PTPRT: variants seen among roughly 807,000 people sequenced by gnomAD.
PTPRT encodes the protein protein tyrosine phosphatase receptor type T, also known as receptor-type tyrosine-protein phosphatase T.
Under a neutral mutation model 176.8 loss-of-function variants are expected in PTPRT, and 56 were observed. The observed-to-expected ratio is 0.32, with a 90% CI of 0.26 to 0.40. PTPRT has a LOEUF of 0.40. PTPRT is among the 10% of genes least tolerant of loss of function. The probability of loss-of-function intolerance (pLI) is 1.00; values close to 1 mark genes in which losing one functional copy is unlikely to be tolerated. For missense variants in PTPRT, 1,540 were observed against 1,908.2 expected (o/e 0.81, Z 3.60); for synonymous variants, 783 against 739.0 (o/e 1.06, Z -0.96).
intron 9 of PTPRT, among the ~76,000 whole-genome samples, chr20:42,401,431 C>G (rs572656539): frequency 1.3e-5 from 2 of 152,156 alleles, no homozygotes; most frequent in East Asian, 3.9e-4. Context: ...ATTCCATAGC[C>G]TTCAAACTGC....
intron 7 of PTPRT, among the ~76,000 whole-genome samples, chr20:42,601,042 ACT>A (rs1277016638): frequency 1.3e-5 from 2 of 151,968 alleles, no homozygotes; most frequent in African/African-American, 4.8e-5. Flanking sequence ...CTCTCACACT[ACT>A]CTGAGTTCGT....
At chr20:42,922,442 G>A (rs1193379812) in intron 1 of PTPRT, among the ~76,000 whole-genome samples, 2 of 152,160 alleles carry the variant, frequency 1.3e-5, no homozygotes. Flanking sequence ...CCTGGACTCA[G>A]GCCTGTATAT....
At chr20:42,987,543 G>T (rs2146099975) in intron 1 of PTPRT, among the ~76,000 whole-genome samples, 1 of 152,118 alleles carries the variant, frequency 6.6e-6, no homozygotes, top group Non-Finnish European at 1.5e-5. Context: ...GTGGACACTT[G>T]GTCATGCTGT....
chr20:42,614,591 T>C (rs577559409), intron 7 of PTPRT, among the ~76,000 whole-genome samples: 1 of 152,208 alleles, frequency 6.6e-6, no homozygotes, highest in East Asian at 1.9e-4. Context: ...ACCATGCTCC[T>C]CTATTCCCTC....
chr20:43,166,021 C>G, intron 1 of PTPRT, among the ~76,000 whole-genome samples: 1 of 152,092 alleles, frequency 6.6e-6, no homozygotes, highest in Non-Finnish European at 1.5e-5. Context: ...GAAACGTCAT[C>G]TCTACTAAAA....
chr20:42,717,867 CTGTGTG>C (rs72024227), intron 6 of PTPRT, among the ~76,000 whole-genome samples: 2 of 150,136 alleles, frequency 1.3e-5, no homozygotes, highest in African/African-American at 4.9e-5. Context: ...TCAAGATCAC[CTGTGTG>C]TGTGTGTGTG....
chr20:42,642,049 A>G (rs1199457668), intron 7 of PTPRT, among the ~76,000 whole-genome samples: 1 of 152,166 alleles, frequency 6.6e-6, no homozygotes, highest in Admixed American at 6.5e-5. Context: ...CTCAGCAACC[A>G]GACTGTTTAC....
At chr20:42,917,393 C>T (rs994411696) in intron 1 of PTPRT, among the ~76,000 whole-genome samples, 6 of 152,214 alleles carry the variant, frequency 3.9e-5, no homozygotes, top group East Asian at 1.9e-4. Context: ...AGTCAGGTAG[C>T]GCGATGCCTC....
intron 12 of PTPRT, among the ~76,000 whole-genome samples, chr20:42,315,015 C>T (rs1161835343): frequency 6.6e-6 from 1 of 151,958 alleles, no homozygotes; most frequent in African/African-American, 2.4e-5. Flanking sequence ...ATATGCTTTC[C>T]AGCCCTGTGA....
Position 42,462,419 on chromosome 20 carries a change from G to A in PTPRT, c.1450+9847C>T, listed in dbSNP as rs2071036274. ...TAGCACAGGCAGGAAATCAGATGGA[G>A]CTAGGGTTGTGAATAGCTGGAAATG... On this transcript the variant is annotated intron_variant, in intron 8 of 30. Coordinates refer to ENST00000373187, the MANE Select transcript of PTPRT (RefSeq NM_007050.6). 3.9e-5 allele frequency among the ~76,000 whole-genome samples: 6 copies of A among 152,298 alleles called. No homozygotes were observed. The South Asian group carries it at 1.0e-3, about 26-fold the overall frequency.
intron 9 of PTPRT, among the ~76,000 whole-genome samples, chr20:42,434,747 AG>A (rs1215970264): frequency 2.0e-5 from 3 of 151,558 alleles, no homozygotes; most frequent in African/African-American, 7.3e-5. Context: ...GGATCACTTG[AG>A]GTCAGGAGTC....
intron 1 of PTPRT, among the ~76,000 whole-genome samples, chr20:43,115,044 C>T (rs1400975254): frequency 1.3e-5 from 2 of 152,178 alleles, no homozygotes; most frequent in East Asian, 3.8e-4. Context: ...TGCGCCATTT[C>T]ATTGCATATA....
intron 7 of PTPRT, among the ~76,000 whole-genome samples, chr20:42,534,924 C>A (rs1046443632): frequency 1.3e-5 from 2 of 152,106 alleles, no homozygotes; most frequent in Non-Finnish European, 2.9e-5. Flanking sequence ...TCAGAATGCA[C>A]CCAGTGCTGC....
chr20:42,078,378 G>T lies in PTPRT; in HGVS notation c.*2501C>A, dbSNP rs182057654. On this transcript the variant is annotated 3_prime_UTR_variant, in exon 31 of 31. Coordinates refer to ENST00000373187, the MANE Select transcript of PTPRT (RefSeq NM_007050.6). The stretch of plus-strand genomic sequence containing the variant: ...AGATCTGGGTTGGTGACCCTGCTCC[G>T]TGGTAAAGCAGAGACCCTGGGTTTC... The T allele has an allele frequency of 4.7e-6, 1 of 212,060 alleles. No homozygotes were observed. The highest frequency in any genetic ancestry group is 2.3e-5 in the African/African-American group (1 of 44,052). 13.1% of individuals were successfully genotyped at this position (212,060 alleles called of 1,614,324 possible).
chr20:42,441,309 A>G (rs2059313977), intron 9 of PTPRT, among the ~76,000 whole-genome samples: 2 of 152,180 alleles, frequency 1.3e-5, no homozygotes. Context: ...AAGAGGAAGG[A>G]GCCAGCCCTG....
At chr20:42,199,603 T>C (rs1991369972) in intron 15 of PTPRT, among the ~76,000 whole-genome samples, 1 of 152,168 alleles carries the variant, frequency 6.6e-6, no homozygotes, top group African/African-American at 2.4e-5. Flanking sequence ...AATGCATGTG[T>C]TCTATGTTTG....
chr20:42,706,994 G>A (rs777417407), intron 6 of PTPRT, among the ~76,000 whole-genome samples: 1 of 152,160 alleles, frequency 6.6e-6, no homozygotes, highest in African/African-American at 2.4e-5. Context: ...CAGAGGACTG[G>A]AGTAATGAAT....
At chr20:43,061,068 G>A (rs981032863) in intron 1 of PTPRT, among the ~76,000 whole-genome samples, 2 of 147,084 alleles carry the variant, frequency 1.4e-5, no homozygotes, top group Non-Finnish European at 3.0e-5. Flanking sequence ...GGGTGGGTGA[G>A]TGGATGGGCG....
At chr20:42,674,341 G>T (rs2075462890) in intron 7 of PTPRT, among the ~76,000 whole-genome samples, 1 of 152,086 alleles carries the variant, frequency 6.6e-6, no homozygotes. Flanking sequence ...TATATTGATA[G>T]CCAGATTATT....
Sources: allele counts gnomAD v4.1 joint callset (sites outside exome capture counted in the v4.1 genomes callset), GRCh38; gene constraint gnomAD v4.1.1; transcripts MANE v1.5; gene names NCBI Gene and HGNC (gene_info 2026-07-23, HGNC 2026-07-21).